The following RASGRP3 variants were observed in gnomAD, a reference collection of about 807,000 sequenced individuals.
RASGRP3 encodes ras guanyl-releasing protein 3.
A neutral mutation model predicts 82.7 loss-of-function variants in RASGRP3; 54 were observed. The ratio of observed to expected loss-of-function variants is 0.65; its 90% CI spans 0.52 to 0.82. The LOEUF (loss-of-function observed/expected upper bound fraction) is 0.82, where lower values mean the gene tolerates loss of function less well. Ranked by LOEUF, RASGRP3 falls within the 40% of genes least tolerant of loss-of-function variation. RASGRP3 has a pLI of 0.00. For synonymous variants in RASGRP3, 309 were observed against 300.5 expected (o/e 1.03, Z -0.29); for missense variants, 861 against 828.9 (o/e 1.04, Z -0.48).
At chr2:33,556,892 C>CACAT (rs750356199) in intron 15 of RASGRP3, among the ~76,000 whole-genome samples, 1 of 80,564 alleles carries the variant, frequency 1.2e-5, no homozygotes, top group African/African-American at 5.9e-5. Flanking sequence ...CCCTAAAATA[C>CACAT]ACACACACAC....
At chr2:33,442,512 T>C (rs1665280548) in intron 1 of RASGRP3, among the ~76,000 whole-genome samples, 1 of 152,236 alleles carries the variant, frequency 6.6e-6, no homozygotes, top group Non-Finnish European at 1.5e-5. Context: ...TCTGATTTCT[T>C]GCTGTCATGG....
In RASGRP3 at chr2:33,480,686, T is replaced by A. The variant is rs115045573; in HGVS notation, c.-261+3979T>A. On this transcript the variant is annotated intron_variant, in intron 1 of 17. Coordinates refer to ENST00000403687, the MANE Select transcript of RASGRP3 (RefSeq NM_001139488.2). ...ATTTTGTTTCTTTGTTTTTGCCCAATTGTGTGTTTCAAAGACATCTGCTTC... is the reference window on the plus strand; with the variant it reads ...ATTTTGTTTCTTTGTTTTTGCCCAAATGTGTGTTTCAAAGACATCTGCTTC... 3.1e-3 allele frequency among the ~76,000 whole-genome samples: 465 copies of A among 152,282 alleles called. 4 individuals carry two copies. The highest frequency in any genetic ancestry group is 0.011 in the African/African-American group (439 of 41,558).
At chr2:33,526,327 G>A (rs1330282028) in intron 9 of RASGRP3, among the ~76,000 whole-genome samples, 3 of 152,196 alleles carry the variant, frequency 2.0e-5, no homozygotes, top group Non-Finnish European at 4.4e-5. Flanking sequence ...CTACTAGAAA[G>A]GTCTGGTTGC....
chr2:33,543,381 C>T (rs1674449249), intron 12 of RASGRP3, 131 bp from the exon 13 acceptor site: 1 of 593,338 alleles, frequency 1.7e-6, no homozygotes. Flanking sequence ...GGCTTCTTGA[C>T]TTAGTTATCT....
At chr2:33,445,758 T>A (rs1483013248) in intron 1 of RASGRP3, among the ~76,000 whole-genome samples, 1 of 152,004 alleles carries the variant, frequency 6.6e-6, no homozygotes, top group Non-Finnish European at 1.5e-5. Context: ...ATTAATAATA[T>A]GTTAATTAAC....
At chr2:33,511,269 A>C (rs1670897170) in intron 1 of RASGRP3, among the ~76,000 whole-genome samples, 1 of 152,216 alleles carries the variant, frequency 6.6e-6, no homozygotes, top group Non-Finnish European at 1.5e-5. Flanking sequence ...GAGACTAAAC[A>C]ACCTGCTCTA....
In RASGRP3 at chr2:33,528,812, CAAATAGT is replaced by C. The variant is rs71863055; in HGVS notation, c.1083+1406_1083+1412del. ...ATCTCTTAAAGTTGAGTTTTTGTGA[CAAATAGT>C]AAATATACAGACTTTCTCTACTGGG... On this transcript the variant is annotated intron_variant, in intron 10 of 17. Transcript: ENST00000403687. Among the ~76,000 whole-genome samples, 315 of 152,302 alleles carry C rather than the reference CAAATAGT, an allele frequency of 2.1e-3. 2 individuals are homozygous for C. The highest frequency in any genetic ancestry group is 7.2e-3 in the African/African-American group (301 of 41,564).
Position 33,539,072 on chromosome 2 carries a change from TG to T in RASGRP3, c.1162-20del, listed in dbSNP as rs543428859. The T allele has an allele frequency of 4.7e-4, 664 of 1,422,210 alleles. 2 individuals are homozygous for T. In the African/African-American group the frequency reaches 9.0e-3, roughly 19 times the overall value. 88.1% of individuals were successfully genotyped at this position (1,422,210 alleles called of 1,614,324 possible). On this transcript the variant is annotated intron_variant, in intron 11 of 17. Coordinates refer to ENST00000403687, the MANE Select transcript of RASGRP3 (RefSeq NM_001139488.2). ...AATAATAATAAAGTTGAAAAATATG[TG>T]GTTTTTTTTTTGTTTATCAGCAGCC...
intron 2 of RASGRP3, among the ~76,000 whole-genome samples, chr2:33,468,036 CTTTCTT>C (rs1160356201): frequency 1.9e-5 from 2 of 106,232 alleles, no homozygotes; most frequent in Non-Finnish European, 3.6e-5. Context: ...TTCTTTCTTT[CTTTCTT>C]TCTCTCTTAG....
At chr2:33,456,904 A>ATTTT (rs10660284) in intron 2 of RASGRP3, among the ~76,000 whole-genome samples, 89 of 134,710 alleles carry the variant, frequency 6.6e-4, no homozygotes, top group African/African-American at 2.4e-3. Flanking sequence ...AGTGCTTTCT[A>ATTTT]TTTTTTTTTT....
chr2:33,562,748 C>G lies in RASGRP3; in HGVS notation c.*11C>G, dbSNP rs184802986. On this transcript the variant is annotated 3_prime_UTR_variant, in exon 18 of 18. Transcript: ENST00000403687. ...TTTCAGGATGGCTGACTTCAGGCTGCGGAAACTGAAGGCAATAATGTTGGC... is the reference window on the plus strand; with the variant it reads ...TTTCAGGATGGCTGACTTCAGGCTGGGGAAACTGAAGGCAATAATGTTGGC... 6.2e-7 allele frequency: 1 copy of G among 1,613,204 alleles called. No homozygotes were observed. Among genetic ancestry groups the G allele is most frequent in the East Asian group, 2.2e-5 (1 of 44,874 alleles).
chr2:33,534,793 G>T (rs143442235), intron 11 of RASGRP3, among the ~76,000 whole-genome samples: 1 of 149,652 alleles, frequency 6.7e-6, no homozygotes, highest in African/African-American at 2.5e-5. Context: ...TCCGCTTGCC[G>T]TGGCCATTAC....
chr2:33,443,118 C>A (rs1272758209), intron 1 of RASGRP3, among the ~76,000 whole-genome samples: 1 of 152,148 alleles, frequency 6.6e-6, no homozygotes, highest in African/African-American at 2.4e-5. Flanking sequence ...CCCTGTTGCC[C>A]AGACATAGAA....
At chr2:33,484,562 C>A (rs1218277090) in intron 1 of RASGRP3, among the ~76,000 whole-genome samples, 1 of 151,956 alleles carries the variant, frequency 6.6e-6, no homozygotes, top group Non-Finnish European at 1.5e-5. Flanking sequence ...GTAAGGACAG[C>A]ACCCAGTCTG....
upstream of RASGRP3, among the ~76,000 whole-genome samples, chr2:33,472,866 G>A (rs1379986343): frequency 3.3e-5 from 3 of 90,124 alleles, no homozygotes; most frequent in South Asian, 4.5e-4. Flanking sequence ...GCAAGACTCC[G>A]TCTCAAAAAA....
rs1574394379 is a variant in RASGRP3, at chr2:33,515,224, T to C, written c.70+18T>C. The C allele has an allele frequency of 1.9e-6, 3 of 1,612,626 alleles. No individual in the cohort carries two copies. The highest frequency in any genetic ancestry group is 2.5e-6 in the Non-Finnish European group (3 of 1,178,610). ...GATGTTTGGTACGAGCCTTTTCTCC[T>C]TTCATCTCTTTTGGATCTCTCGATG... is the stretch of plus-strand genomic sequence containing the variant. On this transcript the variant is annotated intron_variant, in intron 3 of 17. Coordinates refer to ENST00000403687, the MANE Select transcript of RASGRP3 (RefSeq NM_001139488.2).
chr2:33,449,532 G>C (rs1051644742), intron 2 of RASGRP3, among the ~76,000 whole-genome samples: 2 of 152,100 alleles, frequency 1.3e-5, no homozygotes, highest in African/African-American at 2.4e-5. Context: ...GAGGCCGAGG[G>C]GGGCAGACCA....
intron 1 of RASGRP3, among the ~76,000 whole-genome samples, chr2:33,492,541 G>A (rs1263216512): frequency 2.0e-5 from 3 of 152,108 alleles, no homozygotes; most frequent in South Asian, 4.1e-4. Flanking sequence ...AGGTAATTAC[G>A]GTTAAACAAG....
chr2:33,495,408 A>G (rs1473990576), intron 1 of RASGRP3, among the ~76,000 whole-genome samples: 1 of 152,166 alleles, frequency 6.6e-6, no homozygotes, highest in African/African-American at 2.4e-5. Context: ...GTGAGAATCT[A>G]ACGCCGCAGC....
Sources: allele counts gnomAD v4.1 joint callset (sites outside exome capture counted in the v4.1 genomes callset), GRCh38; gene constraint gnomAD v4.1.1; transcripts MANE v1.5; gene names NCBI Gene and HGNC (gene_info 2026-07-23, HGNC 2026-07-21).